The following HPF1 variants were observed in gnomAD, a reference collection of about 807,000 sequenced individuals.
The protein encoded by HPF1 is UPF0609 protein C4orf27.
Under a neutral mutation model 38.8 loss-of-function variants are expected in HPF1, and 35 were observed. The observed-to-expected ratio is 0.90, with a 90% confidence interval of 0.69 to 1.19. The LOEUF (loss-of-function observed/expected upper bound fraction) is 1.19, where lower values mean the gene tolerates loss of function less well. Among genes scored for constraint, HPF1 ranks in the 50% most tolerant of loss-of-function variants. The pLI is 0.00. For synonymous variants in HPF1, 115 were observed against 139.2 expected (o/e 0.83, Z 1.22); for missense variants, 367 against 405.8 (o/e 0.90, Z 0.82).
intron 1 of HPF1, among the ~76,000 whole-genome samples, chr4:169,754,508 G>T (rs908174028): frequency 1.3e-5 from 2 of 151,874 alleles, no homozygotes; most frequent in African/African-American, 4.8e-5. Flanking sequence ...CACAATACAG[G>T]TTCATTATAT....
In HPF1 at chr4:169,750,516, G is replaced by A. The variant is rs373083640; in HGVS notation, c.398+20C>T. The A allele has an allele frequency of 1.2e-5, 18 of 1,538,704 alleles. No homozygotes were observed. The highest frequency in any genetic ancestry group is 1.6e-5 in the Non-Finnish European group (18 of 1,130,974). On this transcript the variant is annotated intron_variant, in intron 3 of 7. Coordinates refer to ENST00000393381, the MANE Select transcript of HPF1 (RefSeq NM_017867.3). Reference sequence around the variant, plus strand: ...GCAGGACAGCAGCTGTATTTTAGAGGCGAAGAAAAGATCCTTTACCTGAAA... The same window carrying A: ...GCAGGACAGCAGCTGTATTTTAGAGACGAAGAAAAGATCCTTTACCTGAAA...
intron 5 of HPF1, among the ~76,000 whole-genome samples, chr4:169,741,559 T>C (rs563277021): frequency 9.9e-5 from 15 of 152,132 alleles, no homozygotes; most frequent in Non-Finnish European, 2.1e-4. Flanking sequence ...ATAGGATTAA[T>C]AAGGAAAAAG....
chr4:169,729,754 T>A, intron 7 of HPF1, 45 bp from the exon 8 acceptor site: 1 of 1,301,122 alleles, frequency 7.7e-7, no homozygotes, highest in Non-Finnish European at 1.0e-6. Context: ...ATAGCAGATA[T>A]CCTAATAAGT....
chr4:169,753,653 A>T, intron 2 of HPF1, 23 bp downstream of exon 2: 1 of 1,598,710 alleles, frequency 6.3e-7, no homozygotes, highest in Non-Finnish European at 8.5e-7. Context: ...CATTAATACA[A>T]GAATGATTCT....
In HPF1 at chr4:169,742,052, A is replaced by G. The variant is rs1243141589; in HGVS notation, c.553T>C (p.Leu185=). ...GTGAGTTTTTCATCTATGTTTTTCA[A>G]GAGATTGATTTTCTTTTTATCCGTT... ...EITDKKKINL[L]KNIDEKLTEA... Residue 185 remains leucine (L), a synonymous_variant, in exon 5 of 8, where the codon TTG becomes CTG. Coordinates refer to ENST00000393381, the MANE Select transcript of HPF1 (RefSeq NM_017867.3). 1.1e-5 allele frequency: 17 copies of G among 1,610,452 alleles called. No individual in the cohort carries two copies. Among genetic ancestry groups the G allele is most frequent in the Non-Finnish European group, 1.4e-5 (17 of 1,176,784 alleles).
chr4:169,752,256 C>T (rs1292492153), intron 2 of HPF1, among the ~76,000 whole-genome samples: 2 of 150,294 alleles, frequency 1.3e-5, no homozygotes, highest in African/African-American at 2.5e-5. Flanking sequence ...CTGCAACCTC[C>T]GCCTCCTGGG....
At chr4:169,751,360 G>A (rs893596139) in intron 2 of HPF1, among the ~76,000 whole-genome samples, 3 of 143,078 alleles carry the variant, frequency 2.1e-5, no homozygotes, top group East Asian at 2.0e-4. Flanking sequence ...ACGAGATTGC[G>A]CCATTGCACT....
chr4:169,732,108 C>A, intron 6 of HPF1: 2 of 367,132 alleles, frequency 5.4e-6, no homozygotes, highest in Non-Finnish European at 4.9e-6. Context: ...TTATTAACGA[C>A]TATTTCACAG....
chr4:169,753,886 T>G, intron 1 of HPF1, 51 bp from the exon 2 acceptor site: 1 of 1,414,368 alleles, frequency 7.1e-7, no homozygotes, highest in Non-Finnish European at 9.9e-7. Context: ...TAACTCTCCT[T>G]GCATAACAGT....
Position 169,729,702 on chromosome 4 carries a change from T to C in HPF1, c.917A>G (p.His306Arg), listed in dbSNP as rs375900595. The change falls in exon 8 of 8, where the codon CAT becomes CGT. Residue 306 changes from histidine to arginine, a missense_variant. By Grantham distance (29) the His-to-Arg change is conservative (BLOSUM62 0). Transcript: ENST00000393381. ...DLFCYGSHYF[H>R]KVAGQLLPLA... Reference sequence around the variant, plus strand: ...AGGTAAAAGCTGGCCAGCAACTTTATGAAAATACTGAAAAATAAAAATATA... The same window carrying C: ...AGGTAAAAGCTGGCCAGCAACTTTACGAAAATACTGAAAAATAAAAATATA... 1.6e-5 allele frequency: 24 copies of C among 1,500,784 alleles called. No individual in the cohort carries two copies. The highest frequency in any genetic ancestry group is 1.2e-4 in the South Asian group (9 of 72,674). 93.0% of individuals were successfully genotyped at this position (1,500,784 alleles called of 1,614,324 possible).
At chr4:169,746,264 C>T (rs1734045796) in intron 4 of HPF1, among the ~76,000 whole-genome samples, 1 of 152,172 alleles carries the variant, frequency 6.6e-6, no homozygotes, top group Non-Finnish European at 1.5e-5. Flanking sequence ...CTGTAATACA[C>T]ATATTTCTGT....
At chr4:169,746,762 A>G (rs139904700) in intron 4 of HPF1, among the ~76,000 whole-genome samples, 7 of 152,234 alleles carry the variant, frequency 4.6e-5, no homozygotes, top group African/African-American at 1.4e-4. Context: ...ATACTTTAAA[A>G]GTACTAAAAT....
intron 2 of HPF1, 92 bp from the exon 3 acceptor site, chr4:169,750,817 A>T (rs1734109269): frequency 1.0e-6 from 1 of 992,636 alleles, no homozygotes; most frequent in East Asian, 2.5e-5. Flanking sequence ...AATTGTCTTT[A>T]AAAAGTTTCT....
intron 2 of HPF1, 90 bp downstream of exon 2, chr4:169,753,586 G>A: frequency 9.3e-7 from 1 of 1,079,470 alleles, no homozygotes. Context: ...TGCCTCAGCT[G>A]GGATTACAGA....
At chr4:169,736,853 G>T (rs1386859758) in intron 6 of HPF1, among the ~76,000 whole-genome samples, 1 of 152,146 alleles carries the variant, frequency 6.6e-6, no homozygotes, top group Non-Finnish European at 1.5e-5. Flanking sequence ...GAATTGAGAA[G>T]CGATTTTAAT....
At chr4:169,754,453 C>A (rs1181512204) in intron 1 of HPF1, among the ~76,000 whole-genome samples, 1 of 152,090 alleles carries the variant, frequency 6.6e-6, no homozygotes, top group East Asian at 1.9e-4. Flanking sequence ...CAGAAAAGGC[C>A]TTTTAATGCC....
intron 5 of HPF1, among the ~76,000 whole-genome samples, chr4:169,739,320 C>G (rs1166790530): frequency 1.3e-5 from 2 of 151,752 alleles, no homozygotes; most frequent in Non-Finnish European, 2.9e-5. Context: ...TGTCTTTAAA[C>G]TATAAGGGAG....
chr4:169,757,711 C>T, intron 1 of HPF1, 119 bp downstream of exon 1: 1 of 1,021,256 alleles, frequency 9.8e-7, no homozygotes, highest in Non-Finnish European at 1.5e-6. Context: ...CAGCAAACCG[C>T]AGCCCCTGGA....
chr4:169,744,819 C>CT (rs796856450), intron 4 of HPF1, among the ~76,000 whole-genome samples: 2,401 of 144,216 alleles, frequency 0.017, 63 homozygotes, highest in African/African-American at 0.055. Flanking sequence ...ATGAGTCACT[C>CT]TTTTTTTTTT....
Sources: allele counts gnomAD v4.1 joint callset (sites outside exome capture counted in the v4.1 genomes callset), GRCh38; gene constraint gnomAD v4.1.1; transcripts MANE v1.5; gene names NCBI Gene and HGNC (gene_info 2026-07-23, HGNC 2026-07-21).